The following PLCXD3 variants were observed in gnomAD, a reference collection of about 807,000 sequenced individuals.
The protein encoded by PLCXD3 is phosphatidylinositol specific phospholipase C X domain containing 3.
In PLCXD3, 19 loss-of-function variants were observed where a neutral mutation model predicts 25.5. That is an observed-to-expected ratio of 0.75 (90% CI 0.52 to 1.09). The LOEUF is 1.09. Among genes scored for constraint, PLCXD3 ranks in the 50% least tolerant of loss-of-function variants. The probability of loss-of-function intolerance (pLI) is 0.00; values close to 1 mark genes in which losing one functional copy is unlikely to be tolerated. For missense variants in PLCXD3, 411 were observed against 388.1 expected, an observed-to-expected ratio of 1.06 and a Z score of -0.50; for synonymous variants, 174 against 137.6, an observed-to-expected ratio of 1.26 and a Z score of -1.85.
At chr5:41,332,125 G>C (rs1449660039) in intron 2 of PLCXD3, among the ~76,000 whole-genome samples, 7 of 152,020 alleles carry the variant, frequency 4.6e-5, no homozygotes, top group Non-Finnish European at 7.4e-5. Context: ...CTTCTGCACA[G>C]CAAAAGAAAC....
intron 2 of PLCXD3, among the ~76,000 whole-genome samples, chr5:41,318,054 G>A (rs1743353022): frequency 6.6e-6 from 1 of 151,654 alleles, no homozygotes. Flanking sequence ...GGTGCAGAAG[G>A]AAAAAAAACT....
chr5:41,354,417 T>C (rs538522591), intron 2 of PLCXD3, among the ~76,000 whole-genome samples: 1 of 151,180 alleles, frequency 6.6e-6, no homozygotes, highest in South Asian at 2.1e-4. Flanking sequence ...AGCCAGAAGC[T>C]TCTCTCTTTT....
intron 1 of PLCXD3, among the ~76,000 whole-genome samples, chr5:41,481,951 A>G (rs546802834): frequency 2.0e-5 from 3 of 152,230 alleles, no homozygotes; most frequent in Non-Finnish European, 4.4e-5. Flanking sequence ...AGCCCAAGCC[A>G]CAAGAATAAG....
chr5:41,332,938 C>A (rs1052005134), intron 2 of PLCXD3, among the ~76,000 whole-genome samples: 1 of 151,970 alleles, frequency 6.6e-6, no homozygotes, highest in South Asian at 2.1e-4. Flanking sequence ...ACTCTGGGGA[C>A]TGTTGTGGGG....
chr5:41,343,497 T>C (rs1205140653), intron 2 of PLCXD3, among the ~76,000 whole-genome samples: 2 of 152,160 alleles, frequency 1.3e-5, no homozygotes, highest in Admixed American at 6.5e-5. Context: ...TGACTTATTT[T>C]GGCTAAAATA....
intron 2 of PLCXD3, among the ~76,000 whole-genome samples, chr5:41,337,117 T>C (rs1744005146): frequency 6.6e-6 from 1 of 152,142 alleles, no homozygotes; most frequent in Admixed American, 6.6e-5. Flanking sequence ...TTTAAGTGTG[T>C]TTTGTGGTGG....
intron 1 of PLCXD3, among the ~76,000 whole-genome samples, chr5:41,411,774 T>A (rs1383811209): frequency 6.7e-6 from 1 of 150,046 alleles, no homozygotes; most frequent in Non-Finnish European, 1.5e-5. Flanking sequence ...AATATTTTTA[T>A]AATAGTTTTG....
At chr5:41,442,780 C>T (rs1747412559) in intron 1 of PLCXD3, among the ~76,000 whole-genome samples, 1 of 152,132 alleles carries the variant, frequency 6.6e-6, no homozygotes, top group Non-Finnish European at 1.5e-5. Flanking sequence ...CCTTCCCTCA[C>T]CCAAACACTT....
intron 1 of PLCXD3, among the ~76,000 whole-genome samples, chr5:41,476,479 T>TAAA (rs1250535575): frequency 6.6e-6 from 1 of 152,204 alleles, no homozygotes; most frequent in East Asian, 1.9e-4. Context: ...CAGTCCCTAA[T>TAAA]AAAAACTGGG....
intron 2 of PLCXD3, among the ~76,000 whole-genome samples, chr5:41,324,795 C>A (rs1340756033): frequency 6.6e-6 from 1 of 152,160 alleles, no homozygotes; most frequent in East Asian, 1.9e-4. Flanking sequence ...AGTATCACAA[C>A]CAGTGTATTT....
intron 2 of PLCXD3, among the ~76,000 whole-genome samples, chr5:41,358,942 T>C (rs1744695023): frequency 6.6e-6 from 1 of 152,232 alleles, no homozygotes; most frequent in Non-Finnish European, 1.5e-5. Context: ...CTGGATTTTG[T>C]AAAATGCTTT....
At chr5:41,430,865 G>A (rs1171681633) in intron 1 of PLCXD3, among the ~76,000 whole-genome samples, 1 of 152,122 alleles carries the variant, frequency 6.6e-6, no homozygotes, top group Non-Finnish European at 1.5e-5. Flanking sequence ...AAAAACAGGA[G>A]AATTTGATTC....
intron 2 of PLCXD3, among the ~76,000 whole-genome samples, chr5:41,330,141 C>G (rs537466674): frequency 1.3e-5 from 2 of 152,026 alleles, no homozygotes; most frequent in African/African-American, 4.8e-5. Context: ...TTTTACAGAA[C>G]TCTCTGATGC....
chr5:41,445,941 A>C (rs1447075480), intron 1 of PLCXD3, among the ~76,000 whole-genome samples: 3 of 151,974 alleles, frequency 2.0e-5, no homozygotes, highest in Non-Finnish European at 4.4e-5. Flanking sequence ...TAATCCCAGC[A>C]CTTTGGGAGG....
intron 1 of PLCXD3, among the ~76,000 whole-genome samples, chr5:41,474,371 C>T (rs1347323677): frequency 6.6e-6 from 1 of 152,186 alleles, no homozygotes; most frequent in Non-Finnish European, 1.5e-5. Flanking sequence ...CACAGTTTGT[C>T]AGTTTGCCAA....
intron 1 of PLCXD3, among the ~76,000 whole-genome samples, chr5:41,463,711 G>C (rs1351290480): frequency 1.3e-5 from 2 of 151,906 alleles, no homozygotes; most frequent in African/African-American, 2.4e-5. Context: ...CATAATATAA[G>C]GGCTAGGAGT....
chr5:41,428,381 T>G (rs1258007765), intron 1 of PLCXD3, among the ~76,000 whole-genome samples: 3 of 136,818 alleles, frequency 2.2e-5, no homozygotes, highest in Admixed American at 7.6e-5. Context: ...TGAGTTTTTT[T>G]GTTTTTGTTT....
chr5:41,415,555 G>A (rs1008654157), intron 1 of PLCXD3, among the ~76,000 whole-genome samples: 3 of 152,148 alleles, frequency 2.0e-5, no homozygotes, highest in African/African-American at 7.2e-5. Flanking sequence ...TCACAATGAC[G>A]TTGCCCATTT....
intron 1 of PLCXD3, among the ~76,000 whole-genome samples, chr5:41,405,857 T>C (rs1440387127): frequency 6.6e-6 from 1 of 152,136 alleles, no homozygotes; most frequent in Non-Finnish European, 1.5e-5. Flanking sequence ...TCCCCAACTT[T>C]GGTTCCATCT....
Sources: gnomAD v4.1 joint callset for allele counts (sites outside exome capture counted in the v4.1 genomes callset) on GRCh38, gnomAD v4.1.1 for gene constraint, MANE v1.5 for transcripts, NCBI Gene and HGNC (gene_info 2026-07-23, HGNC 2026-07-21) for gene names.